Variants in LRRC4C observed in about 807,000 individuals in gnomAD.
The protein encoded by LRRC4C is leucine rich repeat containing 4C.
In LRRC4C, 5 loss-of-function variants were observed where a neutral mutation model predicts 33.6. The ratio of observed to expected loss-of-function variants is 0.15; its 90% CI spans 0.08 to 0.31. The LOEUF is 0.31. LRRC4C is among the 10% of genes least tolerant of loss of function. The pLI, the probability that LRRC4C is intolerant of heterozygous loss-of-function variation, is 1.00. For missense variants in LRRC4C, 560 were observed against 796.7 expected (o/e 0.70, Z 3.58); for synonymous variants, 329 against 302.0 (o/e 1.09, Z -0.93).
intron 1 of LRRC4C, among the ~76,000 whole-genome samples, chr11:41,350,519 A>C (rs1951946139): frequency 6.6e-6 from 1 of 151,732 alleles, no homozygotes; most frequent in African/African-American, 2.4e-5. Flanking sequence ...CAAAAAAAAA[A>C]AAAAAAAAGA....
intron 2 of LRRC4C, among the ~76,000 whole-genome samples, chr11:40,714,140 A>G (rs1039150319): frequency 6.6e-6 from 1 of 152,150 alleles, no homozygotes; most frequent in African/African-American, 2.4e-5. Context: ...AGTGAGCCTC[A>G]TGGGAAGCCT....
chr11:40,272,439 T>C (rs1764329917), intron 4 of LRRC4C, among the ~76,000 whole-genome samples: 2 of 152,168 alleles, frequency 1.3e-5, no homozygotes, highest in Non-Finnish European at 2.9e-5. Context: ...AGTTCTGGCA[T>C]TGTGGATACT....
At chr11:40,177,800 T>C (rs989547030) in intron 5 of LRRC4C, among the ~76,000 whole-genome samples, 2 of 152,230 alleles carry the variant, frequency 1.3e-5, no homozygotes, top group Non-Finnish European at 2.9e-5. Flanking sequence ...TTCTTTTCTA[T>C]TTTCCCTCAC....
intron 5 of LRRC4C, among the ~76,000 whole-genome samples, chr11:40,222,965 A>C (rs72889388): frequency 0.072 from 11,037 of 152,286 alleles, 575 homozygotes; most frequent in Middle Eastern, 0.14. Flanking sequence ...GTGGCCAAGC[A>C]TTAAGCTCAG....
chr11:40,722,798 G>A (rs537690618), intron 2 of LRRC4C, among the ~76,000 whole-genome samples: 1 of 152,240 alleles, frequency 6.6e-6, no homozygotes, highest in African/African-American at 2.4e-5. Context: ...TCAGAATCTT[G>A]ATGGCAAGGA....
intron 1 of LRRC4C, among the ~76,000 whole-genome samples, chr11:41,255,811 C>A (rs7948297): frequency 0.13 from 19,967 of 151,978 alleles, 1,446 homozygotes; most frequent in Middle Eastern, 0.25. Flanking sequence ...ATGCTGCCAA[C>A]TACGTGTCTG....
chr11:41,282,547 T>G (rs1197740674), intron 1 of LRRC4C, among the ~76,000 whole-genome samples: 1 of 152,182 alleles, frequency 6.6e-6, no homozygotes, highest in African/African-American at 2.4e-5. Context: ...TTCAAAAGTC[T>G]GAATCTTTAC....
chr11:40,231,093 G>A (rs773625029), intron 5 of LRRC4C, among the ~76,000 whole-genome samples: 5 of 152,172 alleles, frequency 3.3e-5, no homozygotes, highest in Admixed American at 6.5e-5. Context: ...ATGGCTGGGC[G>A]TAGTGGCACA....
rs1309534393 is a variant in LRRC4C at position 40,926,829 on chromosome 11, C to CA, written c.-407+6805dup. Among the ~76,000 whole-genome samples, 7 of 151,890 alleles carry CA rather than the reference C, an allele frequency of 4.6e-5. No homozygotes were observed. In the South Asian group the frequency reaches 1.0e-3, roughly 23 times the overall value. On this transcript the variant is annotated intron_variant, in intron 2 of 6. Coordinates refer to ENST00000528697, the MANE Select transcript of LRRC4C (RefSeq NM_001258419.2). The stretch of plus-strand genomic sequence containing the variant: ...ACTTATTTAACAAGAATAATATTTT[C>CA]AATAAAATGTTGAATAAAAACTTCA...
chr11:41,221,682 C>T (rs190562976), intron 1 of LRRC4C, among the ~76,000 whole-genome samples: 59 of 152,236 alleles, frequency 3.9e-4, no homozygotes, highest in Non-Finnish European at 6.9e-4. Context: ...TGGATAAAGA[C>T]ATTCTATATT....
chr11:41,297,411 G>T (rs1950173011), intron 1 of LRRC4C, among the ~76,000 whole-genome samples: 1 of 152,134 alleles, frequency 6.6e-6, no homozygotes. Flanking sequence ...AATGTGTTTA[G>T]AAGTATTCTC....
chr11:40,273,563 G>A (rs1012154769), intron 4 of LRRC4C, among the ~76,000 whole-genome samples: 5 of 152,054 alleles, frequency 3.3e-5, no homozygotes, highest in Non-Finnish European at 7.4e-5. Flanking sequence ...CCAAGAAAAG[G>A]CCTCTTTACG....
At chr11:40,304,070 A>G (rs987367892) in intron 4 of LRRC4C, among the ~76,000 whole-genome samples, 9 of 152,172 alleles carry the variant, frequency 5.9e-5, no homozygotes, top group African/African-American at 1.7e-4. Flanking sequence ...CATTGAAAAA[A>G]TGTTAGGAGC....
intron 3 of LRRC4C, among the ~76,000 whole-genome samples, chr11:40,460,163 A>C (rs190597920): frequency 6.6e-6 from 1 of 152,054 alleles, no homozygotes; most frequent in East Asian, 1.9e-4. Context: ...ACTGGTACCA[A>C]CTCCAGCCAC....
intron 1 of LRRC4C, among the ~76,000 whole-genome samples, chr11:41,403,203 G>T (rs1954091958): frequency 1.3e-5 from 2 of 152,024 alleles, no homozygotes; most frequent in South Asian, 4.1e-4. Flanking sequence ...ATTTCAAAAA[G>T]TTAAACACAT....
At chr11:40,119,994 A>G (rs1174758568) in intron 6 of LRRC4C, among the ~76,000 whole-genome samples, 1 of 152,124 alleles carries the variant, frequency 6.6e-6, no homozygotes, top group African/African-American at 2.4e-5. Context: ...AAGACCATTT[A>G]CCCTGCCTTC....
intron 1 of LRRC4C, among the ~76,000 whole-genome samples, chr11:41,436,982 A>G (rs1955449591): frequency 6.6e-6 from 1 of 152,226 alleles, no homozygotes; most frequent in Non-Finnish European, 1.5e-5. Context: ...AACAGATGAA[A>G]AAACCATGTG....
At chr11:41,085,949 A>T (rs944830495) in intron 1 of LRRC4C, among the ~76,000 whole-genome samples, 1 of 150,044 alleles carries the variant, frequency 6.7e-6, no homozygotes, top group Non-Finnish European at 1.5e-5. Context: ...AAAAAAAAAA[A>T]AAAGAAAGAA....
intron 2 of LRRC4C, among the ~76,000 whole-genome samples, chr11:40,831,554 A>G (rs908805119): frequency 6.6e-6 from 1 of 152,204 alleles, no homozygotes; most frequent in Non-Finnish European, 1.5e-5. Flanking sequence ...GTGAGTACAT[A>G]TAACTGAAAT....
Sources: gnomAD v4.1 joint callset for allele counts (sites outside exome capture counted in the v4.1 genomes callset) on GRCh38, gnomAD v4.1.1 for gene constraint, MANE v1.5 for transcripts, NCBI Gene and HGNC (gene_info 2026-07-23, HGNC 2026-07-21) for gene names.